ADGRB3: variants seen among roughly 807,000 people sequenced by gnomAD.
ADGRB3 encodes brain-specific angiogenesis inhibitor 3.
In ADGRB3, 37 loss-of-function variants were observed where a neutral mutation model predicts 193.4. That is an observed-to-expected ratio of 0.19 (90% CI 0.15 to 0.25). The LOEUF is 0.25. Ranked by LOEUF, ADGRB3 falls within the 10% of genes least tolerant of loss-of-function variation. The pLI, the probability that ADGRB3 is intolerant of heterozygous loss-of-function variation, is 1.00. For synonymous variants in ADGRB3, 690 were observed against 644.2 expected (o/e 1.07, Z -1.08); for missense variants, 1,637 against 1,852.9 (o/e 0.88, Z 2.14).
At chr6:69,384,641 A>C (rs938875062) in intron 31 of ADGRB3, among the ~76,000 whole-genome samples, 23 of 152,028 alleles carry the variant, frequency 1.5e-4, no homozygotes, top group Admixed American at 1.5e-3. Flanking sequence ...GACAACAAAA[A>C]TAGTCTACTA....
chr6:68,689,444 G>T (rs965439823), intron 3 of ADGRB3, among the ~76,000 whole-genome samples: 3 of 152,112 alleles, frequency 2.0e-5, no homozygotes, highest in Non-Finnish European at 4.4e-5. Flanking sequence ...CAAATCTAAT[G>T]AGGGGAACAA....
chr6:69,322,026 G>C (rs1768466112), intron 20 of ADGRB3, among the ~76,000 whole-genome samples: 2 of 151,760 alleles, frequency 1.3e-5, no homozygotes, highest in Non-Finnish European at 2.9e-5. Context: ...CCCTTCGATA[G>C]GCCCCAGTGT....
At chr6:69,204,757 CT>C (rs1027780459) in intron 17 of ADGRB3, among the ~76,000 whole-genome samples, 1 of 151,738 alleles carries the variant, frequency 6.6e-6, no homozygotes, top group East Asian at 1.9e-4. Context: ...TTCTTTTTTT[CT>C]TTTTTTTAGC....
chr6:69,014,147 A>G lies in ADGRB3; in HGVS notation c.1998+41A>G, dbSNP rs555370714. The G allele has an allele frequency of 7.8e-6, 11 of 1,402,022 alleles. No homozygotes were observed. In the South Asian group the frequency reaches 9.1e-5, roughly 12 times the overall value. The allele number at this position is 1,402,022 out of a possible 1,614,324, so 86.8% of individuals were successfully genotyped here. On this transcript the variant is annotated intron_variant, in intron 12 of 31. Coordinates refer to ENST00000370598, the MANE Select transcript of ADGRB3 (RefSeq NM_001704.3). ...TTTCAGAACTTGAAGTTGGCAAAAC[A>G]AAGTGTAAAAAATATGTGACTAAAT...
At chr6:68,667,967 A>G (rs1768843675) in intron 3 of ADGRB3, among the ~76,000 whole-genome samples, 2 of 151,900 alleles carry the variant, frequency 1.3e-5, no homozygotes, top group African/African-American at 4.8e-5. Context: ...CAGCCCTAGC[A>G]GAACATCCTG....
Position 69,179,883 on chromosome 6 carries a change from C to T in ADGRB3, c.2481-53407C>T, listed in dbSNP as rs1320777460. Among the ~76,000 whole-genome samples, 8 of 152,292 alleles carry T rather than the reference C, an allele frequency of 5.3e-5. No homozygotes were observed. The South Asian group carries it at 1.4e-3, about 28-fold the overall frequency. On this transcript the variant is annotated intron_variant, in intron 17 of 31. Transcript: ENST00000370598. ...TAGGCATGTACTTGATCCTTGTTTA[C>T]TTGGAGAACCTCTCTGTTGCCTAGG...
chr6:69,234,967 G>C (rs924842098), intron 18 of ADGRB3, 65 bp from the exon 19 acceptor site: 55 of 1,295,916 alleles, frequency 4.2e-5, no homozygotes, highest in Non-Finnish European at 6.0e-5. Context: ...GCTTTGCTGA[G>C]TCTAGAAGTT....
intron 13 of ADGRB3, among the ~76,000 whole-genome samples, chr6:69,025,046 C>T (rs773856231): frequency 3.3e-5 from 5 of 150,782 alleles, no homozygotes; most frequent in African/African-American, 7.3e-5. Context: ...GAGCCGAGAT[C>T]GCGCCACTGC....
intron 3 of ADGRB3, among the ~76,000 whole-genome samples, chr6:68,801,767 T>G (rs1767316303): frequency 6.6e-6 from 1 of 152,184 alleles, no homozygotes; most frequent in Admixed American, 6.5e-5. Flanking sequence ...TGCTCTCCTC[T>G]TCCTTATTAA....
At chr6:68,665,610 T>C (rs954979561) in intron 3 of ADGRB3, among the ~76,000 whole-genome samples, 1 of 151,810 alleles carries the variant, frequency 6.6e-6, no homozygotes, top group East Asian at 1.9e-4. Flanking sequence ...CATACCATGA[T>C]AGTTACACGA....
chr6:69,145,867 G>T (rs977876463), intron 17 of ADGRB3, among the ~76,000 whole-genome samples: 1 of 151,972 alleles, frequency 6.6e-6, no homozygotes, highest in Non-Finnish European at 1.5e-5. Context: ...TGTTCATCCC[G>T]ACCTCTCTTC....
chr6:69,085,321 G>A (rs1772515065), intron 17 of ADGRB3, among the ~76,000 whole-genome samples: 1 of 151,844 alleles, frequency 6.6e-6, no homozygotes, highest in African/African-American at 2.4e-5. Flanking sequence ...CTGTTCTCAG[G>A]GACTCTGGGA....
chr6:69,068,258 C>T (rs1052111978), intron 16 of ADGRB3, among the ~76,000 whole-genome samples: 3 of 152,080 alleles, frequency 2.0e-5, no homozygotes, highest in South Asian at 2.1e-4. Flanking sequence ...CATGTCAAAA[C>T]GCATATGTGT....
At chr6:69,351,778 G>T (rs896986698) in intron 26 of ADGRB3, among the ~76,000 whole-genome samples, 1 of 152,114 alleles carries the variant, frequency 6.6e-6, no homozygotes, top group African/African-American at 2.4e-5. Flanking sequence ...ATTTTGAAAA[G>T]AAACCTACAA....
chr6:69,382,061 G>A (rs193272247), intron 30 of ADGRB3, among the ~76,000 whole-genome samples: 52 of 151,870 alleles, frequency 3.4e-4, no homozygotes, highest in African/African-American at 1.2e-3. Flanking sequence ...TTACCCCAAG[G>A]CCATTTTTAT....
At chr6:68,878,547 G>C (rs957250533) in intron 3 of ADGRB3, among the ~76,000 whole-genome samples, 4 of 152,104 alleles carry the variant, frequency 2.6e-5, no homozygotes, top group Non-Finnish European at 5.9e-5. Flanking sequence ...AAGAAAACTT[G>C]ATCAGTATCT....
intron 22 of ADGRB3, among the ~76,000 whole-genome samples, chr6:69,328,650 C>T (rs114289511): frequency 9.2e-5 from 14 of 152,184 alleles, no homozygotes; most frequent in African/African-American, 3.4e-4. Flanking sequence ...CAATTAGACC[C>T]TCTGATAGGT....
chr6:68,762,515 T>C (rs1412621634), intron 3 of ADGRB3, among the ~76,000 whole-genome samples: 1 of 151,680 alleles, frequency 6.6e-6, no homozygotes, highest in Admixed American at 6.6e-5. Flanking sequence ...GAGAGAGTGA[T>C]AGAGGTGACC....
chr6:68,883,405 G>A (rs1047180009), intron 3 of ADGRB3, among the ~76,000 whole-genome samples: 53 of 152,176 alleles, frequency 3.5e-4, no homozygotes, highest in Admixed American at 2.6e-4. Context: ...AGCACCAGCT[G>A]CGGCAATCAG....
Sources: allele counts gnomAD v4.1 joint callset (sites outside exome capture counted in the v4.1 genomes callset), GRCh38; gene constraint gnomAD v4.1.1; transcripts MANE v1.5; gene names NCBI Gene and HGNC (gene_info 2026-07-23, HGNC 2026-07-21).